Variants in PBX1 observed in about 807,000 individuals in gnomAD.
PBX1 encodes the protein PBX homeobox 1, also known as pre-B-cell leukemia transcription factor 1.
Under a neutral mutation model 53.4 loss-of-function variants are expected in PBX1, and 6 were observed. That is an observed-to-expected ratio of 0.11 (90% confidence interval 0.06 to 0.22). The LOEUF (loss-of-function observed/expected upper bound fraction) is 0.22. Ranked by LOEUF, PBX1 falls within the 10% of genes least tolerant of loss-of-function variation. PBX1 has a pLI of 1.00. For synonymous variants in PBX1, 204 were observed against 212.3 expected (o/e 0.96, Z 0.34); for missense variants, 251 against 551.4 (o/e 0.46, Z 5.46).
intron 2 of PBX1, among the ~76,000 whole-genome samples, chr1:164,737,381 A>G (rs761267581): frequency 3.9e-5 from 6 of 152,316 alleles, no homozygotes; most frequent in Middle Eastern, 3.4e-3. Flanking sequence ...ATTTTTGATC[A>G]ATGAGGTATA....
intron 2 of PBX1, among the ~76,000 whole-genome samples, chr1:164,722,111 G>A (rs576013489): frequency 1.4e-4 from 21 of 152,276 alleles, no homozygotes; most frequent in African/African-American, 4.8e-4. Flanking sequence ...TCTATGCCTG[G>A]CTGTCACTGA....
intron 2 of PBX1, among the ~76,000 whole-genome samples, chr1:164,689,138 T>A (rs1662305468): frequency 6.6e-6 from 1 of 152,238 alleles, no homozygotes; most frequent in South Asian, 2.1e-4. Flanking sequence ...CTGGGTACGC[T>A]GACAATACAT....
Position 164,849,332 on chromosome 1 carries a change from A to T in PBX1, c.*2656A>T. 6.5e-7 allele frequency: 1 copy of T among 1,535,640 alleles called. No homozygotes were observed. Among genetic ancestry groups the T allele is most frequent in the East Asian group, 2.4e-5 (1 of 40,912 alleles). On this transcript the variant is annotated 3_prime_UTR_variant, in exon 9 of 9. Coordinates refer to ENST00000420696, the MANE Select transcript of PBX1 (RefSeq NM_002585.4). ...ACCAGCATTTCACTTAGTCTTCTCT[A>T]TACCCAGCACCTCCCCCGGCACCCC...
rs6703951 is a variant in PBX1 at position 164,758,975 on chromosome 1, G to T, written c.266-33519G>T. On this transcript the variant is annotated intron_variant, in intron 2 of 8. Transcript: ENST00000420696. Reference sequence around the variant, plus strand: ...AGGAAAAACAAATCTCTGCTTAAAGGAATCAAGAGACTGGCTACCCTTGGA... The same window carrying T: ...AGGAAAAACAAATCTCTGCTTAAAGTAATCAAGAGACTGGCTACCCTTGGA... Among the ~76,000 whole-genome samples, 1,375 of 152,290 alleles carry T rather than the reference G, an allele frequency of 9.0e-3. 26 individuals are homozygous for T. Among genetic ancestry groups the T allele is most frequent in the African/African-American group, 0.031 (1,299 of 41,554 alleles).
intron 2 of PBX1, among the ~76,000 whole-genome samples, chr1:164,574,799 T>C (rs566271579): frequency 6.6e-6 from 1 of 152,072 alleles, no homozygotes; most frequent in Non-Finnish European, 1.5e-5. Flanking sequence ...CTGGCCAACA[T>C]GGCGAAATGC....
At chr1:164,740,638 G>A (rs1240586205) in intron 2 of PBX1, among the ~76,000 whole-genome samples, 1 of 152,176 alleles carries the variant, frequency 6.6e-6, no homozygotes, top group Non-Finnish European at 1.5e-5. Context: ...TGTGTTAGGT[G>A]TTTGGGATAC....
At chr1:164,831,052 T>A (rs1670728963) in intron 8 of PBX1, among the ~76,000 whole-genome samples, 1 of 152,230 alleles carries the variant, frequency 6.6e-6, no homozygotes, top group Admixed American at 6.5e-5. Flanking sequence ...ACATTTTATT[T>A]AAAAAATTTT....
At chr1:164,797,316 C>G (rs1023582869) in intron 3 of PBX1, among the ~76,000 whole-genome samples, 1 of 152,126 alleles carries the variant, frequency 6.6e-6, no homozygotes, top group Non-Finnish European at 1.5e-5. Flanking sequence ...TGAGCCCAGA[C>G]GAGGTGGGGA....
At chr1:164,705,259 C>T (rs1663363799) in intron 2 of PBX1, among the ~76,000 whole-genome samples, 1 of 152,112 alleles carries the variant, frequency 6.6e-6, no homozygotes. Context: ...AACCATTCAT[C>T]TATACAGTAT....
At chr1:164,793,856 CT>C (rs397945891) in intron 3 of PBX1, among the ~76,000 whole-genome samples, 29 of 84,738 alleles carry the variant, frequency 3.4e-4, no homozygotes, top group East Asian at 1.5e-3. Flanking sequence ...CCTTTCTTTT[CT>C]TTTTTTTTTC....
chr1:164,648,484 A>C lies in PBX1; in HGVS notation c.265+85173A>C, dbSNP rs142170221. Among the ~76,000 whole-genome samples, 264 of 152,322 alleles carry C rather than the reference A, an allele frequency of 1.7e-3. 1 individual carries two copies. The highest frequency in any genetic ancestry group is 6.1e-3 in the African/African-American group (253 of 41,572). The stretch of plus-strand genomic sequence containing the variant: ...CTACCGTTGTAGGGAAATCACACTT[A>C]GGATATTTTACTTGCACGCAGCAGA... On this transcript the variant is annotated intron_variant, in intron 2 of 8. Coordinates refer to ENST00000420696, the MANE Select transcript of PBX1 (RefSeq NM_002585.4).
At chr1:164,791,412 C>G (rs1440900306) in intron 2 of PBX1, among the ~76,000 whole-genome samples, 1 of 152,190 alleles carries the variant, frequency 6.6e-6, no homozygotes, top group African/African-American at 2.4e-5. Context: ...AAGGACCTCA[C>G]CCTTGTTTCC....
chr1:164,786,954 G>T (rs937116320), intron 2 of PBX1, among the ~76,000 whole-genome samples: 5 of 152,122 alleles, frequency 3.3e-5, no homozygotes, highest in African/African-American at 1.2e-4. Context: ...GTTTTGTAAG[G>T]TGATGTAATT....
chr1:164,632,372 C>T (rs923756589), intron 2 of PBX1, among the ~76,000 whole-genome samples: 8 of 152,058 alleles, frequency 5.3e-5, no homozygotes, highest in African/African-American at 1.4e-4. Context: ...GAATTAAAGT[C>T]GCAGATATTT....
chr1:164,831,556 T>C (rs1456225605), intron 8 of PBX1: 1 of 152,008 alleles, frequency 6.6e-6, no homozygotes. Flanking sequence ...GCCCAGCTAA[T>C]TTTTTGTATT....
At chr1:164,750,155 T>G (rs1666122845) in intron 2 of PBX1, among the ~76,000 whole-genome samples, 1 of 150,104 alleles carries the variant, frequency 6.7e-6, no homozygotes, top group Non-Finnish European at 1.5e-5. Context: ...GGTGTGTGTG[T>G]GTGTGTGTGT....
At chr1:164,773,675 A>G (rs1667500796) in intron 2 of PBX1, among the ~76,000 whole-genome samples, 1 of 151,992 alleles carries the variant, frequency 6.6e-6, no homozygotes, top group Non-Finnish European at 1.5e-5. Context: ...CCTCAACCGT[A>G]CCCCACACTG....
chr1:164,730,840 T>G (rs749609310), intron 2 of PBX1, among the ~76,000 whole-genome samples: 2 of 152,210 alleles, frequency 1.3e-5, no homozygotes, highest in Non-Finnish European at 2.9e-5. Flanking sequence ...TTTTGCCATA[T>G]TTTTTGTCTT....
intron 2 of PBX1, among the ~76,000 whole-genome samples, chr1:164,867,791 T>C (rs1672254212): frequency 6.6e-6 from 1 of 152,226 alleles, no homozygotes; most frequent in Non-Finnish European, 1.5e-5. Flanking sequence ...ATCTCAGGCC[T>C]GACCTTTCTA....
Sources: allele counts gnomAD v4.1 joint callset (sites outside exome capture counted in the v4.1 genomes callset), GRCh38; gene constraint gnomAD v4.1.1; transcripts MANE v1.5; gene names NCBI Gene and HGNC (gene_info 2026-07-23, HGNC 2026-07-21).